The following WASF1 variants were observed in gnomAD, a reference collection of about 807,000 sequenced individuals.
The protein encoded by WASF1 is WASP family member 1.
WASF1 carries 7 observed loss-of-function variants against 50.5 expected under a neutral mutation model. That is an observed-to-expected ratio of 0.14 (90% CI 0.08 to 0.26). The LOEUF is 0.26. Ranked by LOEUF, WASF1 falls within the 10% of genes least tolerant of loss-of-function variation. The probability of loss-of-function intolerance (pLI) is 1.00; values close to 1 mark genes in which losing one functional copy is unlikely to be tolerated. For missense variants in WASF1, 470 were observed against 694.7 expected (o/e 0.68, Z 3.64); for synonymous variants, 205 against 244.0 (o/e 0.84, Z 1.49).
intron 4 of WASF1, among the ~76,000 whole-genome samples, chr6:110,120,758 G>C (rs1193199917): frequency 6.6e-6 from 1 of 152,186 alleles, no homozygotes; most frequent in Non-Finnish European, 1.5e-5. Flanking sequence ...AACAAAGCTG[G>C]AGGCATCACG....
chr6:110,126,771 ATTTG>A lies in WASF1; in HGVS notation c.133+694_133+697del, dbSNP rs149081360. 6.2e-3 allele frequency among the ~76,000 whole-genome samples: 950 copies of A among 152,328 alleles called. 9 individuals carry two copies. Among genetic ancestry groups the A allele is most frequent in the African/African-American group, 0.022 (918 of 41,578 alleles). ...CTAAATAAACTTAGAATAGAAAATA[ATTTG>A]TTTAATTCCTTAACCAAGTTGCTCT... On this transcript the variant is annotated intron_variant, in intron 4 of 10. Coordinates refer to ENST00000392589, the MANE Select transcript of WASF1 (RefSeq NM_003931.3).
In WASF1 at chr6:110,178,618, T is replaced by C. The variant is rs753228836; in HGVS notation, c.-147A>G. ...AGTACCTAGTCTAGCTGGGGATCAA[T>C]TAATTAATCGGTTATAGGGCAGGAC... On this transcript the variant is annotated 5_prime_UTR_variant, in exon 2 of 11. Coordinates refer to ENST00000392589, the MANE Select transcript of WASF1 (RefSeq NM_003931.3). 6.6e-6 allele frequency: 1 copy of C among 152,640 alleles called. No individual in the cohort carries two copies. The highest frequency in any genetic ancestry group is 1.5e-5 in the Non-Finnish European group (1 of 68,036). The allele number at this position is 152,640 out of a possible 1,614,324, so 9.5% of individuals were successfully genotyped here.
At chr6:110,134,590 A>C (rs1259107499) in intron 3 of WASF1, among the ~76,000 whole-genome samples, 1 of 151,804 alleles carries the variant, frequency 6.6e-6, no homozygotes, top group Non-Finnish European at 1.5e-5. Context: ...ACGCCTGGCT[A>C]ATTTTTTTTA....
chr6:110,103,795 A>T (rs200350621), intron 8 of WASF1, among the ~76,000 whole-genome samples: 11,099 of 152,228 alleles, frequency 0.073, 540 homozygotes, highest in African/African-American at 0.14. Flanking sequence ...TTATTTTATT[A>T]TTTTATAACA....
At chr6:110,142,952 T>TAAAAAAA (rs5879060) in intron 3 of WASF1, among the ~76,000 whole-genome samples, 11 of 119,130 alleles carry the variant, frequency 9.2e-5, no homozygotes, top group African/African-American at 1.3e-4. Flanking sequence ...CCCAATGATG[T>TAAAAAAA]AAAAAAAAAA....
chr6:110,102,553 T>C (rs1314380494), intron 9 of WASF1, among the ~76,000 whole-genome samples: 1 of 152,184 alleles, frequency 6.6e-6, no homozygotes, highest in African/African-American at 2.4e-5. Context: ...TGACTCAACA[T>C]TGATCATAAT....
At chr6:110,160,415 TACCTTTA>T (rs1283141888) in intron 3 of WASF1, among the ~76,000 whole-genome samples, 1 of 151,800 alleles carries the variant, frequency 6.6e-6, no homozygotes, top group African/African-American at 2.4e-5. Context: ...GAGAGTGTGC[TACCTTTA>T]ACAGAAATGA....
At chr6:110,121,382 C>T (rs1774116317) in intron 4 of WASF1, among the ~76,000 whole-genome samples, 1 of 152,164 alleles carries the variant, frequency 6.6e-6, no homozygotes, top group Non-Finnish European at 1.5e-5. Context: ...AGGATATGAA[C>T]AGGCACTTCC....
chr6:110,135,721 CTTTTTTT>C (rs139834112), intron 3 of WASF1, among the ~76,000 whole-genome samples: 22 of 73,538 alleles, frequency 3.0e-4, no homozygotes, highest in African/African-American at 5.7e-4. Flanking sequence ...GGAAGATTAT[CTTTTTTT>C]TTTTTTTTTT....
chr6:110,131,101 C>T (rs1774647527), intron 3 of WASF1, among the ~76,000 whole-genome samples: 1 of 152,160 alleles, frequency 6.6e-6, no homozygotes, highest in African/African-American at 2.4e-5. Context: ...ATGGGAATCT[C>T]TTCTTTCACT....
At chr6:110,104,182 G>A (rs1193313786) in intron 8 of WASF1, among the ~76,000 whole-genome samples, 1 of 152,008 alleles carries the variant, frequency 6.6e-6, no homozygotes, top group Non-Finnish European at 1.5e-5. Context: ...TAGATAACTC[G>A]AACATGTTAA....
At chr6:110,114,277 C>G (rs1773696311) in intron 4 of WASF1, among the ~76,000 whole-genome samples, 1 of 152,120 alleles carries the variant, frequency 6.6e-6, no homozygotes, top group Non-Finnish European at 1.5e-5. Context: ...ACCAGTGATG[C>G]TGGAAGTACT....
chr6:110,166,987 C>T (rs986022795), intron 2 of WASF1, among the ~76,000 whole-genome samples: 12 of 151,858 alleles, frequency 7.9e-5, no homozygotes. Flanking sequence ...TCATGAGTTT[C>T]AGTCAGTGAT....
intron 2 of WASF1, among the ~76,000 whole-genome samples, chr6:110,175,323 T>C (rs1019231099): frequency 8.5e-5 from 13 of 152,214 alleles, no homozygotes; most frequent in Middle Eastern, 3.4e-3. Flanking sequence ...TTCTTGACAG[T>C]GCTGGGAGTT....
chr6:110,112,475 A>G (rs1773600554), intron 5 of WASF1, among the ~76,000 whole-genome samples: 1 of 152,164 alleles, frequency 6.6e-6, no homozygotes, highest in Non-Finnish European at 1.5e-5. Flanking sequence ...TCCTGATTTA[A>G]TATCTTGGTA....
At position 110,107,233 on chromosome 6, in the gene WASF1, G is replaced by T. The variant is rs749915246; in HGVS notation, c.423-39C>A. On this transcript the variant is annotated intron_variant, in intron 6 of 10. Coordinates refer to ENST00000392589, the MANE Select transcript of WASF1 (RefSeq NM_003931.3). ...TATCAATTAAAACACACATTAGTAAGACTTAGGCAATCAGAATAGAAATAA... is the reference window on the plus strand; with the variant it reads ...TATCAATTAAAACACACATTAGTAATACTTAGGCAATCAGAATAGAAATAA... The T allele has an allele frequency of 3.9e-6, 5 of 1,283,422 alleles. No homozygotes were observed. In the African/African-American group the frequency reaches 7.6e-5, roughly 19 times the overall value. 79.5% of individuals were successfully genotyped at this position (1,283,422 alleles called of 1,614,324 possible). A position where few individuals can be genotyped will look rare whatever the true frequency, so the allele number is the denominator to read the frequency against.
At chr6:110,171,014 C>T (rs1041114631) in intron 2 of WASF1, among the ~76,000 whole-genome samples, 2 of 152,102 alleles carry the variant, frequency 1.3e-5, no homozygotes, top group African/African-American at 4.8e-5. Context: ...ATCCTTCTAT[C>T]GGTAATTAAC....
chr6:110,105,392 CA>C lies in WASF1; in HGVS notation c.713+14del. 6.4e-7 allele frequency: 1 copy of C among 1,556,340 alleles called. No individual in the cohort carries two copies. Among genetic ancestry groups the C allele is most frequent in the Non-Finnish European group, 8.7e-7 (1 of 1,155,640 alleles). ...ATGTTTTATCATTTAAAAAAAAAAACAAAAGTAAAGAAACCTTGTTTCAAAA... is the reference window on the plus strand; with the variant it reads ...ATGTTTTATCATTTAAAAAAAAAAACAAAGTAAAGAAACCTTGTTTCAAAA... On this transcript the variant is annotated intron_variant, in intron 8 of 10. Transcript: ENST00000392589.
intron 2 of WASF1, among the ~76,000 whole-genome samples, chr6:110,170,276 A>G (rs1399562448): frequency 6.6e-6 from 1 of 152,096 alleles, no homozygotes; most frequent in Admixed American, 6.5e-5. Context: ...AGACCGGAGT[A>G]TAGTGGTGCA....
Sources: allele counts gnomAD v4.1 joint callset (sites outside exome capture counted in the v4.1 genomes callset), GRCh38; gene constraint gnomAD v4.1.1; transcripts MANE v1.5; gene names NCBI Gene and HGNC (gene_info 2026-07-23, HGNC 2026-07-21).